PCF11: variants seen among roughly 807,000 people sequenced by gnomAD.
PCF11 encodes the protein pre-mRNA cleavage complex 2 protein Pcf11.
In PCF11, 19 loss-of-function variants were observed where a neutral mutation model predicts 166.1. The observed-to-expected ratio is 0.11, with a 90% CI of 0.08 to 0.17. The LOEUF (loss-of-function observed/expected upper bound fraction) is 0.17, where lower values mean the gene tolerates loss of function less well. Ranked by LOEUF, PCF11 falls within the 10% of genes least tolerant of loss-of-function variation. The probability of loss-of-function intolerance (pLI) is 1.00; values close to 1 mark genes in which losing one functional copy is unlikely to be tolerated. For synonymous variants in PCF11, 663 were observed against 644.1 expected, an observed-to-expected ratio of 1.03 and a Z score of -0.44; for missense variants, 1,565 against 1,855.5, an observed-to-expected ratio of 0.84 and a Z score of 2.88.
rs542251805 is a variant in PCF11 at position 83,162,572 on chromosome 11, A to G, written c.319-1107A>G. Among the ~76,000 whole-genome samples the G allele has an allele frequency of 5.9e-5, 9 of 152,340 alleles. No individual in the cohort carries two copies. In the South Asian group the frequency reaches 1.9e-3, roughly 32 times the overall value. On this transcript the variant is annotated intron_variant, in intron 2 of 15. Transcript: ENST00000298281. Reference sequence around the variant, plus strand: ...CTTGGTTTCGGTTTCAGTATGTTCAAATTCACTTGGGTGTTTGGTAGCATA... The same window carrying G: ...CTTGGTTTCGGTTTCAGTATGTTCAGATTCACTTGGGTGTTTGGTAGCATA...
At position 83,177,182 on chromosome 11, in the gene PCF11, C is replaced by T. The variant is rs768315597; in HGVS notation, c.3855C>T (p.Ser1285=). 4 of 1,564,658 alleles carry T rather than the reference C, an allele frequency of 2.6e-6. No homozygotes were observed. The South Asian group carries it at 4.8e-5, about 19-fold the overall frequency. The change falls in exon 10 of 16, where the codon TCC becomes TCT. Residue 1285 remains serine, a synonymous_variant. Transcript: ENST00000298281. Reference sequence around the variant, plus strand: ...TAAAAACAGGAATTCTCAAATTGTCCCAAACTGATTCAGCTACAACACGTA... The same window carrying T: ...TAAAAACAGGAATTCTCAAATTGTCTCAAACTGATTCAGCTACAACACGTA...
At chr11:83,168,370 C>T (rs893848196) in intron 7 of PCF11, 58 bp from the exon 8 acceptor site, 70 of 1,422,780 alleles carry the variant, frequency 4.9e-5, no homozygotes, top group Middle Eastern at 3.7e-4. Context: ...AACATTCATA[C>T]GAAAATAGAA....
At chr11:83,169,723 A>G in exon 8 of PCF11, 14 of 1,613,972 alleles carry the variant, frequency 8.7e-6, no homozygotes, top group African/African-American at 1.3e-5. Context: ...AGTATCTTTC[A>G]ATCAGACTGG....
chr11:83,182,290 G>T, intron 13 of PCF11, 109 bp from the exon 14 acceptor site: 1 of 643,064 alleles, frequency 1.6e-6, no homozygotes, highest in Non-Finnish European at 2.7e-6. Flanking sequence ...TCAAACTTTT[G>T]GAACACTCAT....
exon 8 of PCF11, chr11:83,168,487 T>C: frequency 1.9e-6 from 3 of 1,613,458 alleles, no homozygotes; most frequent in Non-Finnish European, 2.5e-6. Flanking sequence ...GCGACCTCGA[T>C]ATGAAGATTC....
In PCF11 at chr11:83,182,476, TA is replaced by T; in HGVS notation, c.4402del (p.Arg1468GlufsTer2). 1 of 1,507,524 alleles carries T rather than the reference TA, an allele frequency of 6.6e-7. No individual in the cohort carries two copies. Among genetic ancestry groups the T allele is most frequent in the East Asian group, 2.3e-5 (1 of 44,236 alleles). The allele number at this position is 1,507,524 out of a possible 1,614,324, so 93.4% of individuals were successfully genotyped here. A position where few individuals can be genotyped will look rare whatever the true frequency, so the allele number is the denominator to read the frequency against. On this transcript the variant is annotated frameshift_variant, in exon 14 of 16. Coordinates refer to ENST00000298281, the Ensembl canonical transcript of PCF11. LOFTEE classifies it high-confidence loss of function. ...AGGAATGGCATTTGAAAAATGCTAT[TA>T]GAGTAGATGGAAAGGTAATTTTCAT... is the stretch of plus-strand genomic sequence containing the variant.
chr11:83,163,163 A>T (rs1159164526), intron 2 of PCF11, among the ~76,000 whole-genome samples: 1 of 152,226 alleles, frequency 6.6e-6, no homozygotes, highest in Non-Finnish European at 1.5e-5. Context: ...GATTTTGTGA[A>T]TTTCAGTTGT....
chr11:83,169,845 A>G (rs891499557), exon 8 of PCF11: 3 of 1,613,736 alleles, frequency 1.9e-6, no homozygotes. Flanking sequence ...TTAATGGACC[A>G]CATGGCCCTG....
chr11:83,180,848 C>G (rs1322877508), intron 11 of PCF11, 160 bp from the exon 12 acceptor site: 1 of 448,224 alleles, frequency 2.2e-6, no homozygotes, highest in Non-Finnish European at 4.0e-6. Flanking sequence ...GGGTCAATCA[C>G]ATTGTTAGAG....
At chr11:83,161,830 T>C (rs1860267047) in intron 2 of PCF11, among the ~76,000 whole-genome samples, 1 of 152,220 alleles carries the variant, frequency 6.6e-6, no homozygotes, top group South Asian at 2.1e-4. Flanking sequence ...GACTGTTCTC[T>C]TGGGGGGGTA....
intron 2 of PCF11, among the ~76,000 whole-genome samples, 189 bp from the exon 3 acceptor site, chr11:83,163,490 G>A (rs1590922456): frequency 6.6e-6 from 1 of 152,172 alleles, no homozygotes; most frequent in East Asian, 1.9e-4. Flanking sequence ...AAGGCTAGGT[G>A]AAAATGGTTT....
intron 3 of PCF11, 119 bp downstream of exon 3, chr11:83,163,986 G>GAAA: frequency 1.4e-5 from 6 of 439,542 alleles, no homozygotes; most frequent in Admixed American, 9.1e-5. Context: ...GGTTCAATTT[G>GAAA]AAAAAAAAAA....
intron 1 of PCF11, chr11:83,157,916 C>G (rs1860058976): frequency 9.9e-6 from 4 of 403,112 alleles, no homozygotes; most frequent in Non-Finnish European, 1.8e-5. Context: ...GAATAGAGCC[C>G]TTTGGGGTGG....
In PCF11 at chr11:83,167,201, T is replaced by A. The variant is rs539963105; in HGVS notation, c.1894T>A (p.Leu632Ile). The A allele has an allele frequency of 6.8e-6, 11 of 1,613,728 alleles. No homozygotes were observed. Among genetic ancestry groups the A allele is most frequent in the Admixed American group, 1.7e-5 (1 of 60,024 alleles). ...GAGCTGGTCAAGCACTAAAGGAATT[T>A]TATCACCTCGAGCCCCAAAGCAGCA... Residue 632 changes from leucine to isoleucine, a missense_variant, in exon 6 of 16, where the codon TTA becomes ATA. Leu to Ile is a conservative substitution (Grantham distance 5). Transcript: ENST00000298281. This position sits in a 1 kb window ranked among gnomAD's most constrained non-coding sequence, Gnocchi z 4.2.
chr11:83,184,864 A>G, exon 16 of PCF11: 1 of 1,572,294 alleles, frequency 6.4e-7, no homozygotes, highest in African/African-American at 1.4e-5. Flanking sequence ...CTGAAATTAA[A>G]ACAGAAAATG....
chr11:83,180,866 C>A, intron 11 of PCF11, 142 bp from the exon 12 acceptor site: 1 of 513,190 alleles, frequency 1.9e-6, no homozygotes, highest in Non-Finnish European at 3.5e-6. Flanking sequence ...GAGAATAATA[C>A]TGATCTTTGG....
intron 1 of PCF11, among the ~76,000 whole-genome samples, chr11:83,160,610 A>G (rs1860209638): frequency 6.6e-6 from 1 of 152,048 alleles, no homozygotes; most frequent in South Asian, 2.1e-4. Context: ...TCAGAGGAAA[A>G]TATCTCGGCG....
intron 1 of PCF11, among the ~76,000 whole-genome samples, chr11:83,160,645 C>G (rs1263815028): frequency 6.6e-6 from 1 of 152,120 alleles, no homozygotes; most frequent in Admixed American, 6.5e-5. Flanking sequence ...TGAAGAAAAT[C>G]TTCAGGACAA....
exon 16 of PCF11, chr11:83,185,516 A>G (rs1361510205): frequency 6.6e-6 from 1 of 152,598 alleles, no homozygotes; most frequent in Non-Finnish European, 1.5e-5. Flanking sequence ...ACTTTTGAAA[A>G]TATCTAATGA....
Sources: allele counts gnomAD v4.1 joint callset (sites outside exome capture counted in the v4.1 genomes callset), GRCh38; gene constraint gnomAD v4.1.1; non-coding constraint Gnocchi (gnomAD v3.1); transcripts MANE v1.5; gene names NCBI Gene and HGNC (gene_info 2026-07-23, HGNC 2026-07-21).